ADAMTS12: variants seen among roughly 807,000 people sequenced by gnomAD.
ADAMTS12 encodes the protein ADAM metallopeptidase with thrombospondin type 1 motif 12.
A neutral mutation model predicts 167.8 loss-of-function variants in ADAMTS12; 118 were observed. That is an observed-to-expected ratio of 0.70 (90% confidence interval 0.61 to 0.82). The LOEUF is 0.82. Ranked by LOEUF, ADAMTS12 falls within the 40% of genes least tolerant of loss-of-function variation. The pLI, the probability that ADAMTS12 is intolerant of heterozygous loss-of-function variation, is 0.00. For missense variants in ADAMTS12, 1,916 were observed against 1,998.8 expected, an observed-to-expected ratio of 0.96 and a Z score of 0.79; for synonymous variants, 704 against 716.9, an observed-to-expected ratio of 0.98 and a Z score of 0.29.
At chr5:33,693,266 T>A (rs1170026736) in intron 3 of ADAMTS12, among the ~76,000 whole-genome samples, 1 of 152,160 alleles carries the variant, frequency 6.6e-6, no homozygotes, top group Non-Finnish European at 1.5e-5. Context: ...TTCTCTATAA[T>A]TAGAGAATAT....
intron 5 of ADAMTS12, among the ~76,000 whole-genome samples, chr5:33,679,315 T>C (rs921215798): frequency 1.3e-5 from 2 of 152,226 alleles, no homozygotes; most frequent in African/African-American, 4.8e-5. Context: ...TATAAAGAAC[T>C]GCCCAAGACT....
intron 2 of ADAMTS12, among the ~76,000 whole-genome samples, chr5:33,810,101 T>G (rs920461659): frequency 2.6e-5 from 4 of 151,634 alleles, no homozygotes; most frequent in African/African-American, 9.7e-5. Flanking sequence ...ACAAAAGTGG[T>G]CCTGCAATGC....
At chr5:33,781,724 T>G (rs1746135056) in intron 2 of ADAMTS12, among the ~76,000 whole-genome samples, 1 of 152,136 alleles carries the variant, frequency 6.6e-6, no homozygotes, top group African/African-American at 2.4e-5. Flanking sequence ...ACTTTAAGTT[T>G]TAGGGTACAT....
Position 33,683,105 on chromosome 5 carries a change from G to T in ADAMTS12, c.832-4C>A, listed in dbSNP as rs374152166. 1 of 1,609,134 alleles carries T rather than the reference G, an allele frequency of 6.2e-7. No individual in the cohort carries two copies. The highest frequency in any genetic ancestry group is 1.1e-5 in the South Asian group (1 of 90,288). On this transcript the variant is annotated splice_region_variant and splice_polypyrimidine_tract_variant and intron_variant, in intron 4 of 23. Transcript: ENST00000504830. ...GGTTATGGAACAACCCAGTGACCTA[G>T]GGTCAGAAATAGAAAACCATTAGCT...
chr5:33,844,853 A>C (rs947125696), intron 2 of ADAMTS12, among the ~76,000 whole-genome samples: 1 of 152,180 alleles, frequency 6.6e-6, no homozygotes, highest in African/African-American at 2.4e-5. Context: ...GCCCAGCTTT[A>C]AAATCTCTCT....
intron 3 of ADAMTS12, among the ~76,000 whole-genome samples, chr5:33,695,626 T>C (rs1446174228): frequency 6.6e-6 from 1 of 152,164 alleles, no homozygotes; most frequent in African/African-American, 2.4e-5. Context: ...TCCATTTACA[T>C]GAGGTACCTT....
intron 12 of ADAMTS12, among the ~76,000 whole-genome samples, chr5:33,636,112 G>A (rs1740181149): frequency 1.3e-5 from 2 of 152,130 alleles, no homozygotes; most frequent in Admixed American, 1.3e-4. Flanking sequence ...AAGCAATGCT[G>A]AATCAAATAT....
intron 16 of ADAMTS12, among the ~76,000 whole-genome samples, chr5:33,608,573 T>C (rs578121550): frequency 6.4e-4 from 98 of 152,258 alleles, no homozygotes; most frequent in African/African-American, 2.4e-3. Context: ...TGGCAAAGCA[T>C]CACACAGCTG....
chr5:33,608,180 T>C (rs1467790145), intron 16 of ADAMTS12, among the ~76,000 whole-genome samples: 2 of 152,170 alleles, frequency 1.3e-5, no homozygotes, highest in African/African-American at 4.8e-5. Context: ...AACCAGTAAG[T>C]AGCACTGTGC....
At chr5:33,886,377 T>TA (rs1446512819) in intron 1 of ADAMTS12, among the ~76,000 whole-genome samples, 1 of 152,224 alleles carries the variant, frequency 6.6e-6, no homozygotes, top group Non-Finnish European at 1.5e-5. Flanking sequence ...AACCCTGTGA[T>TA]AGAGATTCAG....
chr5:33,572,556 T>G (rs1421425120), intron 19 of ADAMTS12, among the ~76,000 whole-genome samples: 1 of 140,764 alleles, frequency 7.1e-6, no homozygotes, highest in Non-Finnish European at 1.5e-5. Flanking sequence ...CAAGCCTTCA[T>G]GCTAAAAACT....
At chr5:33,646,851 T>A (rs956466983) in intron 9 of ADAMTS12, among the ~76,000 whole-genome samples, 1 of 151,748 alleles carries the variant, frequency 6.6e-6, no homozygotes, top group African/African-American at 2.4e-5. Context: ...AAAGATTACA[T>A]CAAAAGTTTA....
At chr5:33,816,412 C>G (rs1747655228) in intron 2 of ADAMTS12, among the ~76,000 whole-genome samples, 1 of 152,050 alleles carries the variant, frequency 6.6e-6, no homozygotes, top group Non-Finnish European at 1.5e-5. Context: ...TAATTCAAAA[C>G]AAGAAAAAAT....
At chr5:33,854,520 A>T (rs971676448) in intron 2 of ADAMTS12, among the ~76,000 whole-genome samples, 1 of 152,214 alleles carries the variant, frequency 6.6e-6, no homozygotes, top group African/African-American at 2.4e-5. Context: ...ATCATTCTCC[A>T]TTCCTTCTCC....
At chr5:33,570,837 G>A (rs1486581296) in intron 19 of ADAMTS12, among the ~76,000 whole-genome samples, 7 of 150,758 alleles carry the variant, frequency 4.6e-5, no homozygotes, top group Admixed American at 4.6e-4. Context: ...TCAGTGTGCT[G>A]TATTCAGGAA....
chr5:33,591,035 A>T (rs1226619386), intron 17 of ADAMTS12, among the ~76,000 whole-genome samples: 2 of 150,696 alleles, frequency 1.3e-5, no homozygotes, highest in Non-Finnish European at 2.9e-5. Flanking sequence ...TTTCTAAAAT[A>T]CTGTTTTTAT....
At chr5:33,602,873 TCAAA>T (rs1311126558) in intron 16 of ADAMTS12, among the ~76,000 whole-genome samples, 2 of 152,200 alleles carry the variant, frequency 1.3e-5, no homozygotes, top group Admixed American at 6.5e-5. Context: ...TTTAGAACAG[TCAAA>T]CAATCTCCAG....
chr5:33,827,707 C>A (rs1423301), intron 2 of ADAMTS12, among the ~76,000 whole-genome samples: 7,074 of 56,662 alleles, frequency 0.12, 194 homozygotes, highest in South Asian at 0.16. Flanking sequence ...TTGGAGAAAA[C>A]AAAATAGATA....
chr5:33,692,381 G>A (rs371594797), intron 3 of ADAMTS12, among the ~76,000 whole-genome samples: 62 of 152,298 alleles, frequency 4.1e-4, no homozygotes, highest in African/African-American at 1.4e-3. Context: ...GTTCCTGATT[G>A]TGGAGATAAA....
Sources: gnomAD v4.1 joint callset for allele counts (sites outside exome capture counted in the v4.1 genomes callset) on GRCh38, gnomAD v4.1.1 for gene constraint, MANE v1.5 for transcripts, NCBI Gene and HGNC (gene_info 2026-07-23, HGNC 2026-07-21) for gene names.